Variants in RGS22 observed in about 807,000 individuals in gnomAD.
RGS22 encodes regulator of G protein signaling 22, also known as regulator of G-protein signaling 22.
RGS22 carries 148 observed loss-of-function variants against 172.9 expected under a neutral mutation model. The observed-to-expected ratio is 0.86, with a 90% CI of 0.75 to 0.98. The LOEUF (loss-of-function observed/expected upper bound fraction) is 0.98. RGS22 is among the 50% of genes least tolerant of loss of function. The pLI is 0.00. For missense variants in RGS22, 1,347 were observed against 1,440.8 expected (o/e 0.93, Z 1.05); for synonymous variants, 458 against 480.2 (o/e 0.95, Z 0.60).
chr8:99,997,567 A>G (rs1814529930), intron 19 of RGS22, among the ~76,000 whole-genome samples: 1 of 152,178 alleles, frequency 6.6e-6, no homozygotes, highest in African/African-American at 2.4e-5. Flanking sequence ...ATATTTCCAA[A>G]TAAGTAGGCC....
chr8:100,000,917 C>A (rs1563597066), intron 18 of RGS22, among the ~76,000 whole-genome samples: 1 of 151,876 alleles, frequency 6.6e-6, no homozygotes, highest in Admixed American at 6.6e-5. Context: ...ATTTGGTATG[C>A]CTTACTTGTG....
At chr8:100,029,702 C>CAAAAAAAAAAAAA (rs369058108) in intron 14 of RGS22, among the ~76,000 whole-genome samples, 1 of 62,008 alleles carries the variant, frequency 1.6e-5, no homozygotes, top group Non-Finnish European at 3.4e-5. Context: ...AACTCCGTCT[C>CAAAAAAAAAAAAA]AAAAAAAAAA....
At chr8:100,087,938 C>T (rs972074998) in intron 3 of RGS22, among the ~76,000 whole-genome samples, 1 of 152,052 alleles carries the variant, frequency 6.6e-6, no homozygotes, top group Admixed American at 6.6e-5. Context: ...TTTTGAGCTA[C>T]AAGTCTTATC....
chr8:100,008,553 T>C lies in RGS22; in HGVS notation c.2183A>G (p.Tyr728Cys). Reference protein sequence around the residue: ...CKQAQYLFATYVAPSATLDIG... With the variant: ...CKQAQYLFATCVAPSATLDIG... ...GTCAAGAGTGGCAGAAGGAGCAACGTATGTGGCAAAAAGATACTGAAGGAG... is the reference window on the plus strand; with the variant it reads ...GTCAAGAGTGGCAGAAGGAGCAACGCATGTGGCAAAAAGATACTGAAGGAG... The change falls in exon 15 of 28, where the codon TAC becomes TGC. Residue 728 changes from tyrosine (Y) to cysteine (C), a missense_variant. Coordinates refer to ENST00000360863, the MANE Select transcript of RGS22 (RefSeq NM_015668.5). 6.2e-7 allele frequency: 1 copy of C among 1,608,740 alleles called. No individual in the cohort carries two copies. The highest frequency in any genetic ancestry group is 8.5e-7 in the Non-Finnish European group (1 of 1,178,578).
intron 3 of RGS22, among the ~76,000 whole-genome samples, chr8:100,082,152 G>A (rs1453224716): frequency 6.6e-6 from 1 of 152,120 alleles, no homozygotes; most frequent in African/African-American, 2.4e-5. Flanking sequence ...CAGAAATAAC[G>A]AAGATGATAA....
At chr8:99,995,082 A>G (rs1201110812) in intron 20 of RGS22, among the ~76,000 whole-genome samples, 4 of 152,110 alleles carry the variant, frequency 2.6e-5, no homozygotes, top group East Asian at 1.9e-4. Flanking sequence ...GCTGAAACTC[A>G]ATCCCTTCCT....
chr8:100,086,289 A>G (rs1812153671), intron 3 of RGS22, among the ~76,000 whole-genome samples: 1 of 152,148 alleles, frequency 6.6e-6, no homozygotes, highest in Non-Finnish European at 1.5e-5. Context: ...CAGAAATAAG[A>G]CTGGAGAGAA....
intron 4 of RGS22, among the ~76,000 whole-genome samples, chr8:100,072,614 A>C (rs1454110211): frequency 1.3e-5 from 2 of 152,160 alleles, no homozygotes; most frequent in Non-Finnish European, 2.9e-5. Flanking sequence ...ACCACCAAGA[A>C]AACTTGGTAA....
rs775854091 is a variant in RGS22, at chr8:100,008,424, A to C, written c.2312T>G (p.Leu771Arg). ...TTTTACCATCTTTGTCCATGGCTCA[A>C]GAAGGAGGAGAAGGATATATTCCTC... ...TAEEYILLLL[L>R]EPWTKMVKSD... The change falls in exon 15 of 28, where the codon CTT becomes CGT. Residue 771 changes from leucine to arginine, a missense_variant. Coordinates refer to ENST00000360863, the MANE Select transcript of RGS22 (RefSeq NM_015668.5). 8.7e-6 allele frequency: 14 copies of C among 1,612,990 alleles called. No individual in the cohort carries two copies. The highest frequency in any genetic ancestry group is 6.7e-5 in the Admixed American group (4 of 59,736).
intron 26 of RGS22, 118 bp downstream of exon 26, chr8:99,962,569 A>G: frequency 7.2e-7 from 1 of 1,389,144 alleles, no homozygotes; most frequent in African/African-American, 1.4e-5. Context: ...GGGGCAGAAT[A>G]GGGTGGAGGG....
rs867998501 is a variant in RGS22 at position 100,051,648 on chromosome 8, T to A, written c.1689+1154A>T. 6.1e-5 allele frequency among the ~76,000 whole-genome samples: 2 copies of A among 32,852 alleles called. 1 individual carries two copies. The highest frequency in any genetic ancestry group is 1.0e-4 in the Non-Finnish European group (2 of 19,232). 21.6% of individuals were successfully genotyped at this position (32,852 alleles called of 152,430 possible). On this transcript the variant is annotated intron_variant, in intron 10 of 27. Coordinates refer to ENST00000360863, the MANE Select transcript of RGS22 (RefSeq NM_015668.5). ...ATAAATATATATTTATATATGTTTA[T>A]ACATATATAAATATATATTTATATA...
At chr8:100,028,395 T>A (rs1458209560) in intron 14 of RGS22, among the ~76,000 whole-genome samples, 1 of 151,410 alleles carries the variant, frequency 6.6e-6, no homozygotes, top group East Asian at 1.9e-4. Flanking sequence ...GTTCCCTTAT[T>A]TAATACCCAT....
chr8:99,971,160 C>A (rs1288200754), intron 23 of RGS22, among the ~76,000 whole-genome samples: 1 of 152,028 alleles, frequency 6.6e-6, no homozygotes, highest in South Asian at 2.1e-4. Context: ...AGAAAAGGCC[C>A]TTGATAAAAT....
At chr8:99,989,828 G>C (rs115846358) in intron 20 of RGS22, among the ~76,000 whole-genome samples, 430 of 152,164 alleles carry the variant, frequency 2.8e-3, no homozygotes, top group African/African-American at 9.7e-3. Context: ...CTGAGCGACA[G>C]AGCGAGACTC....
At chr8:99,964,477 C>CAA (rs34613354) in intron 24 of RGS22, among the ~76,000 whole-genome samples, 681 of 54,914 alleles carry the variant, frequency 0.012, 6 homozygotes, top group African/African-American at 0.019. Context: ...GACCCTGTCT[C>CAA]AAAAAAAAAA....
chr8:99,973,391 A>C (rs1811583012), intron 23 of RGS22, among the ~76,000 whole-genome samples: 1 of 152,206 alleles, frequency 6.6e-6, no homozygotes, highest in African/African-American at 2.4e-5. Flanking sequence ...GGAAACCACC[A>C]TTCTCAGCAA....
rs536119188 is a variant in RGS22, at chr8:100,032,282, A to G, written c.2166+6649T>C. ...TATTCAGGAGACCCATCTCACGTGC[A>G]GAGACACATATCAGGCTCAAAATAA... On this transcript the variant is annotated intron_variant, in intron 14 of 27. Transcript: ENST00000360863. 2.6e-5 allele frequency among the ~76,000 whole-genome samples: 4 copies of G among 152,362 alleles called. No individual in the cohort carries two copies. In the South Asian group the frequency reaches 8.3e-4, roughly 32 times the overall value.
chr8:99,962,360 T>C, intron 27 of RGS22, 34 bp downstream of exon 27: 1 of 1,395,376 alleles, frequency 7.2e-7, no homozygotes. Flanking sequence ...CGAGGACATG[T>C]GTGGGACCAA....
At position 100,052,591 on chromosome 8, in the gene RGS22, C is replaced by T. The variant is rs563857209; in HGVS notation, c.1689+211G>A. On this transcript the variant is annotated intron_variant, in intron 10 of 27. Coordinates refer to ENST00000360863, the MANE Select transcript of RGS22 (RefSeq NM_015668.5). ...CTGGGATTACAGGCATGAGCCACCG[C>T]GCCCGGCCATGATTGTATATTTTTA... 1.2e-4 allele frequency among the ~76,000 whole-genome samples: 18 copies of T among 152,228 alleles called. No individual in the cohort carries two copies. In the South Asian group the frequency reaches 2.3e-3, roughly 19 times the overall value.
Sources: allele counts gnomAD v4.1 joint callset (sites outside exome capture counted in the v4.1 genomes callset), GRCh38; gene constraint gnomAD v4.1.1; transcripts MANE v1.5; gene names NCBI Gene and HGNC (gene_info 2026-07-23, HGNC 2026-07-21).